The following ZFP64 variants were observed in gnomAD, a reference collection of about 807,000 sequenced individuals.
The protein encoded by ZFP64 is zinc finger protein 64.
ZFP64 carries 14 observed loss-of-function variants against 51.6 expected under a neutral mutation model. That is an observed-to-expected ratio of 0.27 (90% CI 0.18 to 0.42). The LOEUF (loss-of-function observed/expected upper bound fraction) is 0.42. Among genes scored for constraint, ZFP64 ranks in the 10% least tolerant of loss-of-function variants. The pLI is 1.00. For missense variants in ZFP64, 754 were observed against 906.8 expected, an observed-to-expected ratio of 0.83 and a Z score of 2.16; for synonymous variants, 375 against 361.4, an observed-to-expected ratio of 1.04 and a Z score of -0.43.
chr20:52,186,527 T>G (rs973018627), intron 2 of ZFP64, among the ~76,000 whole-genome samples: 2 of 152,054 alleles, frequency 1.3e-5, no homozygotes, highest in Admixed American at 6.6e-5. Context: ...TTTTTTTTAT[T>G]GCAACGTATT....
chr20:52,106,500 G>A (rs1000584610), intron 5 of ZFP64, among the ~76,000 whole-genome samples: 3 of 152,054 alleles, frequency 2.0e-5, no homozygotes, highest in Admixed American at 2.0e-4. Context: ...TTACGGGGTG[G>A]TCCTGTGGGG....
rs1016832782 is a variant in ZFP64 at position 52,165,942 on chromosome 20, T to G, written c.370A>C (p.Ile124Leu). The G allele has an allele frequency of 6.2e-7, 1 of 1,614,070 alleles. No homozygotes were observed. The highest frequency in any genetic ancestry group is 1.7e-5 in the Admixed American group (1 of 59,994). The change falls in exon 3 of 6, where the codon ATC (isoleucine) becomes CTC (leucine). Residue 124 changes from isoleucine (I) to leucine (L), a missense_variant. By Grantham distance (5) the Ile-to-Leu change is conservative. Transcript: ENST00000216923. ...GTGCGTGACTTGGCAGGGAGAGAGA[T>G]GACAGTGGCTGTCTGGTTTTCATTA... is the stretch of plus-strand genomic sequence containing the variant. ...ESNENQTATVISLPAKSRTKK... is the reference protein window; with the variant it reads ...ESNENQTATVLSLPAKSRTKK...
intron 5 of ZFP64, among the ~76,000 whole-genome samples, chr20:52,099,788 G>A (rs2079031108): frequency 6.6e-6 from 1 of 152,176 alleles, no homozygotes; most frequent in Admixed American, 6.5e-5. Flanking sequence ...GTGGATCAAT[G>A]GATGAGAATT....
Position 52,152,194 on chromosome 20 carries a change from C to A in ZFP64, c.1998G>T (p.Gly666=), listed in dbSNP as rs1057386304. The part of the protein sequence containing the change: ...LPKQTYSIIQ[G]AAHPALLCPA... Reference sequence around the variant, plus strand: ...GACAGAGCAAAGCTGGATGGGCTGCCCCTTGAATGATGGAGTAGGTCTGCT... The same window carrying A: ...GACAGAGCAAAGCTGGATGGGCTGCACCTTGAATGATGGAGTAGGTCTGCT... The change falls in exon 6 of 6, where the codon GGG becomes GGT. Residue 666 remains glycine (G), a synonymous_variant. Coordinates refer to ENST00000216923, the MANE Select transcript of ZFP64 (RefSeq NM_018197.3). The A allele has an allele frequency of 6.2e-6, 10 of 1,613,972 alleles. No homozygotes were observed. The Admixed American group carries it at 1.5e-4, about 24-fold the overall frequency.
chr20:52,129,865 C>A (rs565421382), intron 5 of ZFP64, among the ~76,000 whole-genome samples: 110 of 152,314 alleles, frequency 7.2e-4, no homozygotes, highest in Non-Finnish European at 1.4e-3. Flanking sequence ...TGCCCCGGGG[C>A]AATTCATCTT....
At chr20:52,164,824 G>A (rs573077809) in intron 3 of ZFP64, 67 bp from the exon 4 acceptor site, 1 of 1,333,488 alleles carries the variant, frequency 7.5e-7, no homozygotes, top group Admixed American at 1.8e-5. Flanking sequence ...GAGAAAACTG[G>A]TAGAAACATC....
intron 7 of ZFP64, among the ~76,000 whole-genome samples, chr20:52,093,341 T>C (rs2078949554): frequency 1.3e-5 from 2 of 152,182 alleles, no homozygotes; most frequent in Non-Finnish European, 2.9e-5. Context: ...GGTTTCACCA[T>C]GTTGGCCAGG....
chr20:52,131,573 C>T (rs1315656486), intron 5 of ZFP64, among the ~76,000 whole-genome samples: 3 of 152,152 alleles, frequency 2.0e-5, no homozygotes, highest in Non-Finnish European at 2.9e-5. Context: ...GGTAGCTATA[C>T]TTAAATCAGA....
rs535847031 is a variant in ZFP64, at chr20:52,108,700, G to A, written c.764-10113C>T. 4.6e-5 allele frequency among the ~76,000 whole-genome samples: 7 copies of A among 151,818 alleles called. No homozygotes were observed. In the South Asian group the frequency reaches 1.3e-3, roughly 27 times the overall value. Reference sequence around the variant, plus strand: ...TTTTTTTTTATTTTTAGTAGAGATGGGTTTTCACCATGTCGGCCAGGCTGG... The same window carrying A: ...TTTTTTTTTATTTTTAGTAGAGATGAGTTTTCACCATGTCGGCCAGGCTGG... On this transcript the variant is annotated intron_variant, in intron 5 of 8. Coordinates refer to the ZFP64 transcript ENST00000361387.
rs764012822 is a variant in ZFP64, at chr20:52,165,901, T to A, written c.411A>T (p.Thr137=). 6.2e-7 allele frequency: 1 copy of A among 1,614,074 alleles called. No homozygotes were observed. Residue 137 remains threonine, a synonymous_variant, in exon 3 of 6, where the codon ACA becomes ACT. Coordinates refer to ENST00000216923, the MANE Select transcript of ZFP64 (RefSeq NM_018197.3). ...PAKSRTKKPT[T]PPAQKRLNCC... is the part of the protein sequence containing the mutation. The stretch of plus-strand genomic sequence containing the variant: ...AGTTAAGCCTTTTCTGAGCAGGTGG[T>A]GTTGTGGGCTTTTTGGTGCGTGACT...
At chr20:52,093,506 G>A (rs1039711981) in intron 7 of ZFP64, among the ~76,000 whole-genome samples, 2 of 152,194 alleles carry the variant, frequency 1.3e-5, no homozygotes, top group African/African-American at 2.4e-5. Context: ...TATGGGAAAT[G>A]ATTGCATTTT....
intron 7 of ZFP64, among the ~76,000 whole-genome samples, chr20:52,095,644 C>A (rs560840789): frequency 6.6e-6 from 1 of 152,112 alleles, no homozygotes; most frequent in Non-Finnish European, 1.5e-5. Context: ...ACTAGGGAGG[C>A]GCGTCTGCTT....
chr20:52,126,273 G>A (rs892535925), intron 5 of ZFP64, among the ~76,000 whole-genome samples: 3 of 152,164 alleles, frequency 2.0e-5, no homozygotes, highest in Admixed American at 6.5e-5. Flanking sequence ...CCATTATAGA[G>A]AAGAAGAAAC....
At chr20:52,102,107 C>CCAAAAAAA (rs551838560) in intron 5 of ZFP64, among the ~76,000 whole-genome samples, 9 of 63,418 alleles carry the variant, frequency 1.4e-4, no homozygotes, top group African/African-American at 6.1e-4. Context: ...ACTCCATCTC[C>CCAAAAAAA]AAAAAAAAAA....
At chr20:52,183,241 G>A (rs890171811) in intron 2 of ZFP64, among the ~76,000 whole-genome samples, 1 of 152,166 alleles carries the variant, frequency 6.6e-6, no homozygotes, top group Non-Finnish European at 1.5e-5. Flanking sequence ...CATCAGCCAG[G>A]CCAAGGTGGG....
At chr20:52,151,215 T>G (rs1281313711), downstream of ZFP64, 1 of 985,154 alleles carries the variant, frequency 1.0e-6, no homozygotes, top group Non-Finnish European at 1.2e-6. Flanking sequence ...TGTTTTTGAT[T>G]AATGACTCAC....
intron 7 of ZFP64, among the ~76,000 whole-genome samples, chr20:52,090,895 G>A (rs1008966586): frequency 2.5e-5 from 3 of 118,862 alleles, no homozygotes; most frequent in Non-Finnish European, 4.9e-5. Context: ...TTCTAGACCA[G>A]CCTGGGCAAC....
intron 5 of ZFP64, among the ~76,000 whole-genome samples, chr20:52,113,583 C>G (rs1978713625): frequency 7.2e-6 from 1 of 137,966 alleles, no homozygotes; most frequent in African/African-American, 2.7e-5. Context: ...CACCCGCCAC[C>G]ATACCTGGCT....
At chr20:52,183,829 T>C (rs909929310) in intron 2 of ZFP64, among the ~76,000 whole-genome samples, 2 of 152,180 alleles carry the variant, frequency 1.3e-5, no homozygotes, top group African/African-American at 4.8e-5. Flanking sequence ...ATCACCCTAG[T>C]AGATACCTCA....
Sources: allele counts gnomAD v4.1 joint callset (sites outside exome capture counted in the v4.1 genomes callset), GRCh38; gene constraint gnomAD v4.1.1; transcripts MANE v1.5; gene names NCBI Gene and HGNC (gene_info 2026-07-23, HGNC 2026-07-21).